The following SEPTIN14 variants were observed in gnomAD, a reference collection of about 807,000 sequenced individuals.
SEPTIN14 encodes the protein septin-14.
SEPTIN14 carries 40 observed loss-of-function variants against 53.6 expected under a neutral mutation model. The ratio of observed to expected loss-of-function variants is 0.75; its 90% confidence interval spans 0.58 to 0.97. SEPTIN14 has a LOEUF of 0.97. SEPTIN14 is among the 50% of genes least tolerant of loss of function. The pLI is 0.00. For synonymous variants in SEPTIN14, 138 were observed against 166.8 expected (o/e 0.83, Z 1.33); for missense variants, 471 against 508.2 (o/e 0.93, Z 0.70).
At chr7:55,812,898 C>T (rs1788725566) in intron 7 of SEPTIN14, among the ~76,000 whole-genome samples, 1 of 151,282 alleles carries the variant, frequency 6.6e-6, no homozygotes, top group African/African-American at 2.4e-5. Flanking sequence ...AGTGACTGCC[C>T]TGCCACAGTG....
intron 7 of SEPTIN14, chr7:55,811,457 G>A (rs1788704277): frequency 2.8e-6 from 1 of 354,208 alleles, no homozygotes; most frequent in African/African-American, 2.2e-5. Flanking sequence ...GGGGAAGGAA[G>A]GCAAACTCTT....
intron 7 of SEPTIN14, among the ~76,000 whole-genome samples, chr7:55,809,419 G>A (rs1015438171): frequency 2.7e-5 from 4 of 146,676 alleles, no homozygotes; most frequent in African/African-American, 7.6e-5. Flanking sequence ...GCAATGGCAC[G>A]ATCTCGGCTC....
chr7:55,842,938 A>G lies in SEPTIN14; in HGVS notation c.558+4T>C, dbSNP rs768785282. On this transcript the variant is annotated splice_donor_region_variant and intron_variant, in intron 5 of 9. Coordinates refer to ENST00000388975, the MANE Select transcript of SEPTIN14 (RefSeq NM_207366.3). ...AAAAAAGATGGTAGATTTACCAAACATACCTTACTGTCAAGGTTCTTCATT... is the reference window on the plus strand; with the variant it reads ...AAAAAAGATGGTAGATTTACCAAACGTACCTTACTGTCAAGGTTCTTCATT... The G allele has an allele frequency of 6.7e-7, 1 of 1,491,096 alleles. No homozygotes were observed. The highest frequency in any genetic ancestry group is 8.9e-7 in the Non-Finnish European group (1 of 1,119,602). 92.4% of individuals were successfully genotyped at this position (1,491,096 alleles called of 1,614,324 possible).
At chr7:55,848,505 T>C (rs6953229) in intron 2 of SEPTIN14, among the ~76,000 whole-genome samples, 117,731 of 151,872 alleles carry the variant, frequency 0.78, 46,649 homozygotes, top group East Asian at 0.96. Context: ...CCATGTTGCT[T>C]GGGCTGGTCT....
chr7:55,805,990 CA>C (rs1461719144), intron 8 of SEPTIN14, among the ~76,000 whole-genome samples: 1 of 152,022 alleles, frequency 6.6e-6, no homozygotes, highest in Non-Finnish European at 1.5e-5. Context: ...TTTTGCAACA[CA>C]AGTCCTATTC....
chr7:55,856,477 C>T (rs925425539), intron 2 of SEPTIN14, among the ~76,000 whole-genome samples: 7 of 151,858 alleles, frequency 4.6e-5, no homozygotes, highest in South Asian at 2.1e-4. Context: ...CTGCAATCTC[C>T]GCCTCCCAGG....
intron 9 of SEPTIN14, among the ~76,000 whole-genome samples, chr7:55,799,231 C>T (rs765335352): frequency 2.0e-5 from 3 of 151,594 alleles, no homozygotes; most frequent in African/African-American, 4.8e-5. Context: ...CATGGCTGGG[C>T]GCAGTGGCTC....
At chr7:55,833,279 C>T (rs1365193934) in intron 6 of SEPTIN14, among the ~76,000 whole-genome samples, 2 of 151,716 alleles carry the variant, frequency 1.3e-5, no homozygotes, top group Non-Finnish European at 2.9e-5. Flanking sequence ...TGCGCCACTG[C>T]ACTCCAGCCT....
chr7:55,827,643 T>C (rs1484806418), intron 6 of SEPTIN14, among the ~76,000 whole-genome samples: 1 of 152,220 alleles, frequency 6.6e-6, no homozygotes, highest in Non-Finnish European at 1.5e-5. Context: ...GGTCCAGCTC[T>C]GCCCAGCTGT....
In SEPTIN14 at chr7:55,807,270, AT is replaced by A. The variant is rs1420079704; in HGVS notation, c.818-13del. ...ATTTTCATTTTCCACTAGTAAAAAA[AT>A]AATAATGAATCAACAACATTCAGTA... On this transcript the variant is annotated splice_polypyrimidine_tract_variant and intron_variant, in intron 7 of 9. Transcript: ENST00000388975. 1.8e-5 allele frequency: 28 copies of A among 1,537,592 alleles called. No individual in the cohort carries two copies. Among genetic ancestry groups the A allele is most frequent in the South Asian group, 7.3e-5 (6 of 82,182 alleles).
At chr7:55,815,036 T>C (rs866591629) in intron 7 of SEPTIN14, among the ~76,000 whole-genome samples, 5 of 151,766 alleles carry the variant, frequency 3.3e-5, no homozygotes, top group South Asian at 2.1e-4. Flanking sequence ...AGCACATACA[T>C]TGGGGAAAGG....
At chr7:55,818,421 A>T in intron 7 of SEPTIN14, among the ~76,000 whole-genome samples, 1 of 150,890 alleles carries the variant, frequency 6.6e-6, no homozygotes, top group African/African-American at 2.4e-5. Flanking sequence ...GCAGTGAGCC[A>T]AGATCATGCC....
intron 9 of SEPTIN14, chr7:55,798,681 G>A (rs1584248202): frequency 6.8e-6 from 2 of 292,144 alleles, no homozygotes; most frequent in East Asian, 1.0e-4. Context: ...GCCCACCAGT[G>A]TCACCCCAAC....
intron 9 of SEPTIN14, 128 bp downstream of exon 9, chr7:55,805,129 TA>T: frequency 1.3e-6 from 1 of 774,514 alleles, no homozygotes; most frequent in Non-Finnish European, 2.0e-6. Context: ...GTCTACATGG[TA>T]AAAAGCTACT....
At chr7:55,841,974 G>T (rs1185295925) in intron 5 of SEPTIN14, among the ~76,000 whole-genome samples, 1 of 152,124 alleles carries the variant, frequency 6.6e-6, no homozygotes, top group Non-Finnish European at 1.5e-5. Context: ...GGCAGAGGTT[G>T]CAGTGAGCCA....
Position 55,844,527 on chromosome 7 carries a change from CTTCT to C in SEPTIN14, c.363_366del (p.Glu122ProfsTer6), listed in dbSNP as rs747781943. ...TTTAAATAAGAAAACACTCACCTGG[CTTCT>C]TTGTCTATTTGATCACCATACCCTA... On this transcript the variant is annotated frameshift_variant, in exon 4 of 10. Transcript: ENST00000388975. LOFTEE classifies it high-confidence loss of function. 2.7e-5 allele frequency: 39 copies of C among 1,454,514 alleles called. No individual in the cohort carries two copies. The highest frequency in any genetic ancestry group is 3.5e-5 in the Non-Finnish European group (38 of 1,087,076). The allele number at this position is 1,454,514 out of a possible 1,614,324, so 90.1% of individuals were successfully genotyped here.
At chr7:55,801,930 A>G (rs1287496841) in intron 9 of SEPTIN14, among the ~76,000 whole-genome samples, 1 of 152,128 alleles carries the variant, frequency 6.6e-6, no homozygotes, top group African/African-American at 2.4e-5. Context: ...TAAATAGATA[A>G]ATAAAATGGA....
chr7:55,834,383 C>T, intron 6 of SEPTIN14, 42 bp downstream of exon 6: 1 of 1,485,046 alleles, frequency 6.7e-7, no homozygotes, highest in Non-Finnish European at 9.1e-7. Context: ...TGGATAAACA[C>T]TCATTTCTAG....
At chr7:55,845,287 A>C (rs937718044) in intron 3 of SEPTIN14, among the ~76,000 whole-genome samples, 1 of 151,632 alleles carries the variant, frequency 6.6e-6, no homozygotes, top group African/African-American at 2.4e-5. Context: ...TCACAGTAGC[A>C]AAGACATGGA....
Sources: allele counts gnomAD v4.1 joint callset (sites outside exome capture counted in the v4.1 genomes callset), GRCh38; gene constraint gnomAD v4.1.1; transcripts MANE v1.5; gene names NCBI Gene and HGNC (gene_info 2026-07-23, HGNC 2026-07-21).